Variants in CDH13 observed in about 807,000 individuals in gnomAD.
CDH13 encodes cadherin-13.
In CDH13, 24 loss-of-function variants were observed where a neutral mutation model predicts 63.8. The observed-to-expected ratio is 0.38, with a 90% CI of 0.27 to 0.53. The LOEUF (loss-of-function observed/expected upper bound fraction) is 0.53. CDH13 is among the 20% of genes least tolerant of loss of function. CDH13 has a pLI of 0.85. For missense variants in CDH13, 1,049 were observed against 903.1 expected, an observed-to-expected ratio of 1.16 and a Z score of -2.07; for synonymous variants, 503 against 355.3, an observed-to-expected ratio of 1.42 and a Z score of -4.67.
chr16:83,670,420 G>T (rs1914397841), intron 8 of CDH13, among the ~76,000 whole-genome samples: 3 of 152,208 alleles, frequency 2.0e-5, no homozygotes, highest in African/African-American at 7.2e-5. Context: ...AGGGACACAA[G>T]CTCCTCCTTC....
intron 5 of CDH13, among the ~76,000 whole-genome samples, chr16:83,241,838 G>C (rs1311808807): frequency 1.3e-5 from 2 of 152,136 alleles, no homozygotes; most frequent in African/African-American, 2.4e-5. Flanking sequence ...TTTTAAGTTT[G>C]ATGTAGTTTC....
chr16:83,628,439 G>A (rs574182127), intron 8 of CDH13, among the ~76,000 whole-genome samples: 3 of 152,166 alleles, frequency 2.0e-5, no homozygotes, highest in South Asian at 4.1e-4. Flanking sequence ...TTGTCACATC[G>A]CTCTTCTCTG....
chr16:83,785,567 C>G (rs952859871), intron 13 of CDH13, among the ~76,000 whole-genome samples: 14 of 152,210 alleles, frequency 9.2e-5, no homozygotes, highest in African/African-American at 3.1e-4. Flanking sequence ...GCTTTGCTGA[C>G]AGATATCCTA....
At chr16:83,560,453 T>C (rs1414429144) in intron 7 of CDH13, among the ~76,000 whole-genome samples, 3 of 152,168 alleles carry the variant, frequency 2.0e-5, no homozygotes, top group Non-Finnish European at 2.9e-5. Context: ...TTACCACATA[T>C]GCAGTGAATC....
intron 2 of CDH13, among the ~76,000 whole-genome samples, chr16:82,906,683 GTTC>G (rs1311169232): frequency 2.6e-5 from 4 of 152,114 alleles, no homozygotes; most frequent in Non-Finnish European, 5.9e-5. Flanking sequence ...TTTTCTCACA[GTTC>G]TAGTGGTTAG....
At chr16:83,568,803 A>G (rs1442811362) in intron 7 of CDH13, among the ~76,000 whole-genome samples, 1 of 151,990 alleles carries the variant, frequency 6.6e-6, no homozygotes, top group African/African-American at 2.4e-5. Flanking sequence ...GCTCCTCGTG[A>G]TCATCTCCCA....
At chr16:83,540,777 G>GCAC (rs1315098759) in intron 7 of CDH13, among the ~76,000 whole-genome samples, 5 of 152,124 alleles carry the variant, frequency 3.3e-5, no homozygotes, top group Non-Finnish European at 5.9e-5. Flanking sequence ...TTACAGGCAT[G>GCAC]CACCACCACA....
chr16:83,112,448 A>C (rs1243550084), intron 3 of CDH13, among the ~76,000 whole-genome samples: 2 of 152,230 alleles, frequency 1.3e-5, no homozygotes, highest in Non-Finnish European at 2.9e-5. Flanking sequence ...TCTGTGCGGT[A>C]TGTGTATACA....
intron 4 of CDH13, among the ~76,000 whole-genome samples, chr16:83,132,023 T>C (rs1335422798): frequency 3.9e-5 from 6 of 152,184 alleles, no homozygotes; most frequent in Admixed American, 6.5e-5. Context: ...TTCTTAGAGG[T>C]CTCACTGCAT....
intron 5 of CDH13, among the ~76,000 whole-genome samples, chr16:83,263,302 C>T (rs997053500): frequency 6.6e-6 from 1 of 152,236 alleles, no homozygotes; most frequent in Admixed American, 6.5e-5. Flanking sequence ...GCTTGCTCCT[C>T]AAACATTCGG....
chr16:83,564,422 G>A (rs776062708), intron 7 of CDH13, among the ~76,000 whole-genome samples: 611 of 49,930 alleles, frequency 0.012, 9 homozygotes, highest in Middle Eastern at 0.065. Context: ...TTTTGTTTTT[G>A]TTTTGAGATG....
chr16:82,901,601 T>C (rs2041471743), intron 2 of CDH13, among the ~76,000 whole-genome samples: 1 of 152,186 alleles, frequency 6.6e-6, no homozygotes, highest in Non-Finnish European at 1.5e-5. Context: ...GCTTGGGGTA[T>C]AATAATTGCT....
intron 2 of CDH13, among the ~76,000 whole-genome samples, chr16:82,897,856 C>T (rs1038538657): frequency 1.3e-5 from 2 of 152,220 alleles, no homozygotes; most frequent in Admixed American, 6.5e-5. Flanking sequence ...ATTCATTTAT[C>T]ATTGGCCATT....
chr16:83,588,413 T>C (rs1199779667), intron 7 of CDH13, among the ~76,000 whole-genome samples: 1 of 152,188 alleles, frequency 6.6e-6, no homozygotes, highest in Non-Finnish European at 1.5e-5. Flanking sequence ...TGAGAGTGAC[T>C]GAGAGTGAAC....
At chr16:83,262,251 C>G (rs530965663) in intron 5 of CDH13, among the ~76,000 whole-genome samples, 11 of 152,250 alleles carry the variant, frequency 7.2e-5, no homozygotes, top group African/African-American at 2.4e-4. Flanking sequence ...TTTCCCCAGA[C>G]CACATGGGGT....
intron 10 of CDH13, chr16:83,717,918 A>C (rs17770142): frequency 0.12 from 19,007 of 152,218 alleles, 1,335 homozygotes; most frequent in Admixed American, 0.16. Context: ...CAGGAAAAAC[A>C]ACTGGAACTA....
intron 2 of CDH13, among the ~76,000 whole-genome samples, chr16:82,868,401 G>T (rs562805509): frequency 6.6e-6 from 1 of 152,240 alleles, no homozygotes; most frequent in East Asian, 1.9e-4. Context: ...CCTCATAAAT[G>T]CATTATCCTA....
chr16:83,009,422 T>C (rs1913887508), intron 2 of CDH13, among the ~76,000 whole-genome samples: 1 of 152,208 alleles, frequency 6.6e-6, no homozygotes, highest in South Asian at 2.1e-4. Context: ...TTGCAACTAT[T>C]GTAGGTGTCT....
chr16:83,019,836 TAAAAAAAAA>T (rs562381483), intron 2 of CDH13, among the ~76,000 whole-genome samples: 1 of 100,822 alleles, frequency 9.9e-6, no homozygotes, highest in Admixed American at 1.1e-4. Flanking sequence ...GAGTACACTC[TAAAAAAAAA>T]AAAAAAAAAC....
Sources: gnomAD v4.1 joint callset for allele counts (sites outside exome capture counted in the v4.1 genomes callset) on GRCh38, gnomAD v4.1.1 for gene constraint, MANE v1.5 for transcripts, NCBI Gene and HGNC (gene_info 2026-07-23, HGNC 2026-07-21) for gene names.